IGSF10: variants seen among roughly 807,000 people sequenced by gnomAD.
IGSF10 encodes calvaria mechanical force protein 608.
In IGSF10, 126 loss-of-function variants were observed where a neutral mutation model predicts 128.2. The observed-to-expected ratio is 0.98, with a 90% confidence interval of 0.85 to 1.14. The LOEUF (loss-of-function observed/expected upper bound fraction) is 1.14, where lower values mean the gene tolerates loss of function less well. Ranked by LOEUF, IGSF10 falls within the 50% of genes most tolerant of loss-of-function variation. IGSF10 has a pLI of 0.00. For synonymous variants in IGSF10, 1,185 were observed against 1,146.2 expected (o/e 1.03, Z -0.68); for missense variants, 3,295 against 3,149.8 (o/e 1.05, Z -1.10).
the IGSF10 span, among the ~76,000 whole-genome samples, chr3:151,512,300 T>A: frequency 6.6e-6 from 1 of 152,136 alleles, no homozygotes; most frequent in Non-Finnish European, 1.5e-5. Flanking sequence ...ACCTCAGGAT[T>A]AAGAAACTCA....
the IGSF10 span, among the ~76,000 whole-genome samples, chr3:151,559,079 G>A: frequency 6.6e-6 from 1 of 152,156 alleles, no homozygotes; most frequent in African/African-American, 2.4e-5. Flanking sequence ...AGTAGATTTA[G>A]ATGATTTAAC....
the IGSF10 span, among the ~76,000 whole-genome samples, chr3:151,555,228 T>A: frequency 6.6e-6 from 1 of 152,082 alleles, no homozygotes; most frequent in African/African-American, 2.4e-5. Context: ...ACTTTTTGGA[T>A]TTGAGCAAGA....
chr3:151,523,840 C>A, the IGSF10 span, among the ~76,000 whole-genome samples: 1 of 152,066 alleles, frequency 6.6e-6, no homozygotes, highest in African/African-American at 2.4e-5. Flanking sequence ...CTCTGAACAG[C>A]AATGGAAACT....
the IGSF10 span, among the ~76,000 whole-genome samples, chr3:151,466,844 G>A: frequency 6.6e-6 from 1 of 152,182 alleles, no homozygotes; most frequent in Non-Finnish European, 1.5e-5. Flanking sequence ...CTCCTAAAGG[G>A]CTAGGATTAC....
the IGSF10 span, among the ~76,000 whole-genome samples, chr3:151,568,457 T>G: frequency 0.49 from 74,442 of 151,980 alleles, 18,448 homozygotes; most frequent in South Asian, 0.59. Flanking sequence ...CACTACTAGA[T>G]AGTGTTTGGC....
chr3:151,533,947 C>T, the IGSF10 span, among the ~76,000 whole-genome samples: 2 of 152,262 alleles, frequency 1.3e-5, no homozygotes, highest in African/African-American at 4.8e-5. Context: ...AGAACTTAAA[C>T]AAATTTACAA....
chr3:151,534,796 A>AGTGTGTGTGTGTGT, the IGSF10 span, among the ~76,000 whole-genome samples: 1,036 of 129,434 alleles, frequency 8.0e-3, 14 homozygotes, highest in Non-Finnish European at 0.012. Context: ...CAGAATTTAA[A>AGTGTGTGTGTGTGT]GTGTATGTGT....
chr3:151,474,862 C>A, the IGSF10 span, among the ~76,000 whole-genome samples: 73 of 152,266 alleles, frequency 4.8e-4, 3 homozygotes, highest in South Asian at 0.015. Flanking sequence ...TTTCCAAAAC[C>A]ACCAGATCTT....
At chr3:151,606,555 C>A in the IGSF10 span, among the ~76,000 whole-genome samples, 1 of 152,146 alleles carries the variant, frequency 6.6e-6, no homozygotes, top group African/African-American at 2.4e-5. Context: ...GACCAAAGGG[C>A]TGATCAGGTC....
chr3:151,461,331 G>C (rs1025205961), upstream of IGSF10: 12 of 985,270 alleles, frequency 1.2e-5, no homozygotes, highest in East Asian at 1.1e-3. Flanking sequence ...TGGGCCTTTT[G>C]GTTTAAGGGT....
the IGSF10 span, among the ~76,000 whole-genome samples, chr3:151,508,302 T>G: frequency 1.0e-3 from 156 of 152,242 alleles, 4 homozygotes; most frequent in East Asian, 0.023. Flanking sequence ...ATGGAAAGTT[T>G]TTATGAGGTT....
At chr3:151,521,535 T>C in the IGSF10 span, among the ~76,000 whole-genome samples, 3 of 151,826 alleles carry the variant, frequency 2.0e-5, no homozygotes, top group Non-Finnish European at 2.9e-5. Context: ...GCAATAAAAA[T>C]AGAAGTCAAG....
chr3:151,491,455 G>A, the IGSF10 span, among the ~76,000 whole-genome samples: 2 of 152,144 alleles, frequency 1.3e-5, no homozygotes, highest in Non-Finnish European at 2.9e-5. Flanking sequence ...GTGTGTGCCT[G>A]TAATCCCGGG....
the IGSF10 span, among the ~76,000 whole-genome samples, chr3:151,603,884 T>C: frequency 1.1e-4 from 17 of 152,202 alleles, no homozygotes; most frequent in Admixed American, 2.0e-4. Flanking sequence ...AATACTTTCC[T>C]CCTGGGGGAT....
At chr3:151,478,987 C>T in the IGSF10 span, among the ~76,000 whole-genome samples, 1 of 152,180 alleles carries the variant, frequency 6.6e-6, no homozygotes, top group East Asian at 1.9e-4. Flanking sequence ...AACTTCCTAA[C>T]ACCTACACTC....
chr3:151,595,806 G>A, the IGSF10 span, among the ~76,000 whole-genome samples: 1 of 150,644 alleles, frequency 6.6e-6, no homozygotes, highest in African/African-American at 2.4e-5. Flanking sequence ...AGAAGGAGGA[G>A]GAAATGGAAA....
chr3:151,505,915 C>T, the IGSF10 span, among the ~76,000 whole-genome samples: 5 of 151,850 alleles, frequency 3.3e-5, no homozygotes, highest in Non-Finnish European at 7.4e-5. Flanking sequence ...TATATAAAAC[C>T]TTCAGGCAAA....
chr3:151,559,902 A>G, the IGSF10 span, among the ~76,000 whole-genome samples: 1 of 152,132 alleles, frequency 6.6e-6, no homozygotes. Flanking sequence ...TCTGTCTGAA[A>G]TATGGGATTC....
At position 151,447,099 on chromosome 3, in the gene IGSF10, A is replaced by C; in HGVS notation, c.2882T>G (p.Val961Gly). Residue 961 changes from valine to glycine, a missense_variant, in exon 6 of 8, where the codon GTG (valine) becomes GGG (glycine). Transcript: ENST00000282466. ...TNSHQTSVRE[V>G]SEPRHNHFYS... ...GAAGTGATTGTGCCTGGGTTCACTC[A>C]CTTCTCTTACAGATGTCTGATGACT... is the stretch of plus-strand genomic sequence containing the variant. 6.2e-7 allele frequency: 1 copy of C among 1,614,202 alleles called. No homozygotes were observed. The highest frequency in any genetic ancestry group is 1.1e-5 in the South Asian group (1 of 91,088).
Sources: gnomAD v4.1 joint callset for allele counts (sites outside exome capture counted in the v4.1 genomes callset) on GRCh38, gnomAD v4.1.1 for gene constraint, MANE v1.5 for transcripts, NCBI Gene and HGNC (gene_info 2026-07-23, HGNC 2026-07-21) for gene names.